Variants in PAQR8 observed in about 807,000 individuals in gnomAD.
PAQR8 encodes the protein membrane progestin receptor beta.
A neutral mutation model predicts 25.2 loss-of-function variants in PAQR8; 17 were observed. That is an observed-to-expected ratio of 0.67 (90% CI 0.46 to 1.01). The LOEUF (loss-of-function observed/expected upper bound fraction) is 1.01, where lower values mean the gene tolerates loss of function less well. PAQR8 is among the 50% of genes least tolerant of loss of function. The pLI is 0.00. For synonymous variants in PAQR8, 204 were observed against 190.6 expected (o/e 1.07, Z -0.58); for missense variants, 392 against 448.4 (o/e 0.87, Z 1.14).
rs1581798341 is a variant in PAQR8 at position 52,400,908 on chromosome 6, A to G, written c.-52-2254A>G. On this transcript the variant is annotated intron_variant, in intron 1 of 1. Transcript: ENST00000442253. The stretch of plus-strand genomic sequence containing the variant: ...GTACCTAGCACAGAGCCCAGCTCAT[A>G]GCAATAAAAATGACAGCAATATTTC... 2.0e-5 allele frequency among the ~76,000 whole-genome samples: 3 copies of G among 152,382 alleles called. No individual in the cohort carries two copies. In the East Asian group the frequency reaches 5.8e-4, roughly 29 times the overall value.
rs960735723 is a variant in PAQR8 at position 52,405,812 on chromosome 6, A to G, written c.*1534A>G. 9 of 167,078 alleles carry G rather than the reference A, an allele frequency of 5.4e-5. No homozygotes were observed. The South Asian group carries it at 1.7e-3, about 31-fold the overall frequency. 10.3% of individuals were successfully genotyped at this position (167,078 alleles called of 1,614,324 possible). A position where few individuals can be genotyped will look rare whatever the true frequency, so the allele number is the denominator to read the frequency against. On this transcript the variant is annotated 3_prime_UTR_variant, in exon 2 of 2. Transcript: ENST00000442253. ...TTATAAATGGAAATGTATGAACACA[A>G]TATATGCTCATGTAGAATTTTCTGT...
At chr6:52,392,194 A>C (rs1235805424) in intron 1 of PAQR8, among the ~76,000 whole-genome samples, 1 of 152,152 alleles carries the variant, frequency 6.6e-6, no homozygotes, top group Non-Finnish European at 1.5e-5. Flanking sequence ...TGCAAAAAAA[A>C]CTAGCTGGGT....
rs1256521322 is a variant in PAQR8 at position 52,364,653 on chromosome 6, TCAGCTGGGAAACAGC to T, written c.-53+2408_-53+2422del. ...TTGCCTCAGTGGTGGCAAACCTTCCTCAGCTGGGAAACAGCCAGGCACTGTGCGGGGCCAACTTGG... is the reference window on the plus strand; with the variant it reads ...TTGCCTCAGTGGTGGCAAACCTTCCTCAGGCACTGTGCGGGGCCAACTTGG... On this transcript the variant is annotated intron_variant, in intron 1 of 1. Coordinates refer to ENST00000442253, the MANE Select transcript of PAQR8 (RefSeq NM_133367.5). Among the ~76,000 whole-genome samples, 8 of 152,308 alleles carry T rather than the reference TCAGCTGGGAAACAGC, an allele frequency of 5.3e-5. No individual in the cohort carries two copies. In the South Asian group the frequency reaches 1.5e-3, roughly 28 times the overall value.
intron 1 of PAQR8, among the ~76,000 whole-genome samples, chr6:52,370,679 C>T (rs1763407940): frequency 6.6e-6 from 1 of 152,096 alleles, no homozygotes; most frequent in Non-Finnish European, 1.5e-5. Flanking sequence ...AAGAGGGGGA[C>T]ATTTATGATG....
rs116616218 is a variant in PAQR8, at chr6:52,362,186, G to A, written c.-116G>A. 12,496 of 151,860 alleles carry A rather than the reference G, an allele frequency of 0.082. 688 individuals carry two copies. The highest frequency in any genetic ancestry group is 0.13 in the Non-Finnish European group (8,577 of 67,896). 9.4% of individuals were successfully genotyped at this position (151,860 alleles called of 1,614,324 possible). ...GCGGGAAGCTCGTGGCCGGGACCCC[G>A]AGGCGGGAGCGCGGGCTGGGCCGGG... On this transcript the variant is annotated 5_prime_UTR_variant, in exon 1 of 2. Coordinates refer to ENST00000442253, the MANE Select transcript of PAQR8 (RefSeq NM_133367.5). The surrounding 1 kb of genome is among the most constrained non-coding windows in gnomAD (Gnocchi z 4.1).
At chr6:52,389,758 C>T (rs57906297) in intron 1 of PAQR8, among the ~76,000 whole-genome samples, 180 of 152,264 alleles carry the variant, frequency 1.2e-3, no homozygotes, top group African/African-American at 4.1e-3. Context: ...AACTCTAGCT[C>T]GATTTGTTAT....
rs1435329167 is a variant in PAQR8 at position 52,404,789 on chromosome 6, T to G, written c.*511T>G. On this transcript the variant is annotated 3_prime_UTR_variant, in exon 2 of 2. Transcript: ENST00000442253. ...AAAGCCTTCAAGATGACATGATGAATTACTCAGTTCATCTGATTTCTGGTC... is the reference window on the plus strand; with the variant it reads ...AAAGCCTTCAAGATGACATGATGAAGTACTCAGTTCATCTGATTTCTGGTC... 5.8e-6 allele frequency: 1 copy of G among 172,096 alleles called. No individual in the cohort carries two copies. Among genetic ancestry groups the G allele is most frequent in the Non-Finnish European group, 1.4e-5 (1 of 71,004 alleles). 10.7% of individuals were successfully genotyped at this position (172,096 alleles called of 1,614,324 possible).
intron 1 of PAQR8, among the ~76,000 whole-genome samples, chr6:52,376,085 G>C (rs894585163): frequency 2.6e-5 from 4 of 152,210 alleles, no homozygotes; most frequent in African/African-American, 7.2e-5. Context: ...AAAAAACTTA[G>C]TGCCTGGTTA....
At chr6:52,401,700 C>A (rs1180465178) in intron 1 of PAQR8, among the ~76,000 whole-genome samples, 1 of 152,112 alleles carries the variant, frequency 6.6e-6, no homozygotes, top group African/African-American at 2.4e-5. Context: ...TTGTTCTTTA[C>A]CAACCTAACT....
At chr6:52,399,062 C>T (rs949128583) in intron 1 of PAQR8, among the ~76,000 whole-genome samples, 4 of 152,186 alleles carry the variant, frequency 2.6e-5, no homozygotes, top group African/African-American at 9.7e-5. Flanking sequence ...TTAAAGATCT[C>T]ATTTGTAAGG....
intron 1 of PAQR8, among the ~76,000 whole-genome samples, chr6:52,393,334 T>TC (rs1491132293): frequency 3.9e-4 from 10 of 25,358 alleles, no homozygotes; most frequent in African/African-American, 1.9e-3. Context: ...TTTCTCTCTC[T>TC]TTTTTTTTTT....
chr6:52,364,081 A>ATTTTTTTTTTTTTTTT (rs1581786362), intron 1 of PAQR8, among the ~76,000 whole-genome samples: 1 of 39,070 alleles, frequency 2.6e-5, no homozygotes. Flanking sequence ...ATTGAAAGAT[A>ATTTTTTTTTTTTTTTT]TGTTTTTTTT....
At chr6:52,386,891 G>A (rs1206880324) in intron 1 of PAQR8, among the ~76,000 whole-genome samples, 1 of 152,250 alleles carries the variant, frequency 6.6e-6, no homozygotes, top group Non-Finnish European at 1.5e-5. Context: ...AGATACTACA[G>A]GTTAGGCAGG....
Position 52,406,805 on chromosome 6 carries a change from C to T in PAQR8, c.*2527C>T, listed in dbSNP as rs184642894. 5.2e-4 allele frequency: 184 copies of T among 357,118 alleles called. 1 individual carries two copies. In the South Asian group the frequency reaches 5.9e-3, roughly 11 times the overall value. 22.1% of individuals were successfully genotyped at this position (357,118 alleles called of 1,614,324 possible). On this transcript the variant is annotated 3_prime_UTR_variant, in exon 2 of 2. Transcript: ENST00000442253. ...CTTGAACTCCTGAACTCAAGTGATC[C>T]GCCCACCTCAGCCTCCCAAAGTGTT...
rs1763306777 is a variant in PAQR8 at position 52,362,844 on chromosome 6, A to G, written c.-53+595A>G. 6.6e-6 allele frequency among the ~76,000 whole-genome samples: 1 copy of G among 152,120 alleles called. No individual in the cohort carries two copies. The highest frequency in any genetic ancestry group is 1.5e-5 in the Non-Finnish European group (1 of 68,008). On this transcript the variant is annotated intron_variant, in intron 1 of 1. Transcript: ENST00000442253. The surrounding 1 kb of genome is among the most constrained non-coding windows in gnomAD (Gnocchi z 4.1). ...CGGAAAGAGTAGGGTGGGTCTAGGC[A>G]TGTGCTTTCGCCGGGGAAAGATGGA...
chr6:52,390,767 G>T (rs1763697485), intron 1 of PAQR8, among the ~76,000 whole-genome samples: 1 of 152,134 alleles, frequency 6.6e-6, no homozygotes, highest in South Asian at 2.1e-4. Flanking sequence ...AGTATAGTTA[G>T]GTTACTCGTA....
At chr6:52,364,303 A>G (rs1763327487) in intron 1 of PAQR8, among the ~76,000 whole-genome samples, 1 of 152,114 alleles carries the variant, frequency 6.6e-6, no homozygotes, top group Non-Finnish European at 1.5e-5. Flanking sequence ...TCATTTTACA[A>G]GAATCATTTC....
At chr6:52,370,540 C>G (rs1371369041) in intron 1 of PAQR8, among the ~76,000 whole-genome samples, 1 of 152,050 alleles carries the variant, frequency 6.6e-6, no homozygotes, top group Non-Finnish European at 1.5e-5. Context: ...GTGTAGGACT[C>G]TGAGGCACTG....
At chr6:52,378,881 G>C (rs1763517328) in intron 1 of PAQR8, among the ~76,000 whole-genome samples, 1 of 151,996 alleles carries the variant, frequency 6.6e-6, no homozygotes, top group Non-Finnish European at 1.5e-5. Context: ...TGGATCACCT[G>C]AGGTCAGGAG....
Sources: allele counts gnomAD v4.1 joint callset (sites outside exome capture counted in the v4.1 genomes callset), GRCh38; gene constraint gnomAD v4.1.1; non-coding constraint Gnocchi (gnomAD v3.1); transcripts MANE v1.5; gene names NCBI Gene and HGNC (gene_info 2026-07-23, HGNC 2026-07-21).